The following GRK5 variants were observed in gnomAD, a reference collection of about 807,000 sequenced individuals.
The protein encoded by GRK5 is G protein-coupled receptor kinase 5, also known as g protein-coupled receptor kinase GRK5.
A neutral mutation model predicts 78.4 loss-of-function variants in GRK5; 40 were observed. That is an observed-to-expected ratio of 0.51 (90% confidence interval 0.40 to 0.66). GRK5 has a LOEUF of 0.66. GRK5 is among the 30% of genes least tolerant of loss of function. The pLI is 0.00. For synonymous variants in GRK5, 289 were observed against 296.8 expected (o/e 0.97, Z 0.27); for missense variants, 598 against 759.9 (o/e 0.79, Z 2.50).
At chr10:119,212,512 G>A (rs1401186939) in intron 1 of GRK5, among the ~76,000 whole-genome samples, 3 of 152,164 alleles carry the variant, frequency 2.0e-5, no homozygotes, top group Non-Finnish European at 4.4e-5. Flanking sequence ...TTTCAGGAGC[G>A]GGCTCAATGT....
chr10:119,303,930 T>C (rs1196097357), intron 1 of GRK5, among the ~76,000 whole-genome samples: 1 of 152,076 alleles, frequency 6.6e-6, no homozygotes, highest in Non-Finnish European at 1.5e-5. Flanking sequence ...CTGCATGGTG[T>C]CCCTACAGCC....
At chr10:119,240,176 ATC>A (rs1848999797) in intron 1 of GRK5, among the ~76,000 whole-genome samples, 1 of 130,588 alleles carries the variant, frequency 7.7e-6, no homozygotes, top group East Asian at 2.1e-4. Flanking sequence ...CCTCTCCAGC[ATC>A]TGTTTCCCGA....
At chr10:119,419,974 A>G (rs1852536431) in intron 4 of GRK5, among the ~76,000 whole-genome samples, 1 of 152,078 alleles carries the variant, frequency 6.6e-6, no homozygotes, top group African/African-American at 2.4e-5. Flanking sequence ...ATGGGTCCTG[A>G]GGGGATAAGG....
intron 1 of GRK5, among the ~76,000 whole-genome samples, chr10:119,230,681 T>TA (rs888759327): frequency 1.8e-4 from 27 of 151,350 alleles, no homozygotes; most frequent in African/African-American, 5.8e-4. Flanking sequence ...CTACAAAAAA[T>TA]AAAAAAATTA....
chr10:119,350,249 C>T (rs992449643), intron 2 of GRK5, among the ~76,000 whole-genome samples: 8 of 152,220 alleles, frequency 5.3e-5, no homozygotes, highest in Admixed American at 3.9e-4. Context: ...AAGCAGCTAC[C>T]GCCTACACCT....
At chr10:119,291,928 T>TTTTCCTCA (rs748253606) in intron 1 of GRK5, among the ~76,000 whole-genome samples, 1 of 129,952 alleles carries the variant, frequency 7.7e-6, no homozygotes, top group Non-Finnish European at 1.7e-5. Flanking sequence ...TTCTTCCTCC[T>TTTTCCTCA]TCTTTTCCTC....
intron 5 of GRK5, among the ~76,000 whole-genome samples, chr10:119,424,508 C>T (rs1448087062): frequency 6.6e-6 from 1 of 152,188 alleles, no homozygotes; most frequent in Non-Finnish European, 1.5e-5. Context: ...TAGTCCAAGA[C>T]CAGATCCAGA....
At position 119,344,802 on chromosome 10, in the gene GRK5, G is replaced by C. The variant is rs1242204068; in HGVS notation, c.148+18191G>C. ...ATGGGGGTCAGAATGTGCGTGTGGG[G>C]TGCAGAGGGAGCTTCCCACCCCTGG... On this transcript the variant is annotated intron_variant, in intron 2 of 15. Coordinates refer to ENST00000392870, the MANE Select transcript of GRK5 (RefSeq NM_005308.3). Among the ~76,000 whole-genome samples, 5 of 152,042 alleles carry C rather than the reference G, an allele frequency of 3.3e-5. 1 individual carries two copies. The highest frequency in any genetic ancestry group is 7.4e-5 in the Non-Finnish European group (5 of 67,994).
intron 4 of GRK5, 75 bp downstream of exon 4, chr10:119,396,847 C>A: frequency 8.9e-7 from 1 of 1,129,100 alleles, no homozygotes; most frequent in Non-Finnish European, 1.3e-6. Flanking sequence ...TAAGTCTGTG[C>A]CAGGCCACAT....
intron 3 of GRK5, among the ~76,000 whole-genome samples, 165 bp downstream of exon 3, chr10:119,381,092 G>A (rs1851703194): frequency 6.6e-6 from 1 of 152,214 alleles, no homozygotes; most frequent in Non-Finnish European, 1.5e-5. Flanking sequence ...ATTGTCTGAG[G>A]ATCTAAACAC....
Position 119,336,771 on chromosome 10 carries a change from C to T in GRK5, c.148+10160C>T, listed in dbSNP as rs1349777867. ...GGGCGCGTCATGTCTGTCGTTCTGC[C>T]ACCTAGCCGTGCTGTGATAAGGCAC... On this transcript the variant is annotated intron_variant, in intron 2 of 15. Coordinates refer to ENST00000392870, the MANE Select transcript of GRK5 (RefSeq NM_005308.3). This position sits in a 1 kb window ranked among gnomAD's most constrained non-coding sequence, Gnocchi z 4.5. Among the ~76,000 whole-genome samples the T allele has an allele frequency of 6.6e-6, 1 of 152,154 alleles. No individual in the cohort carries two copies. The highest frequency in any genetic ancestry group is 1.5e-5 in the Non-Finnish European group (1 of 68,028).
At chr10:119,346,630 G>T (rs1023789625) in intron 2 of GRK5, among the ~76,000 whole-genome samples, 1 of 152,154 alleles carries the variant, frequency 6.6e-6, no homozygotes, top group Admixed American at 6.5e-5. Flanking sequence ...TGCAAGCTGG[G>T]TGCCTTCTGC....
chr10:119,436,832 C>T lies in GRK5; in HGVS notation c.920C>T (p.Thr307Ile). Reference sequence around the variant, plus strand: ...TTAGAAGACCTCCACCGTGAGAACACCGTCTACCGGTGAGTGGAAGGCACC... The same window carrying T: ...TTAGAAGACCTCCACCGTGAGAACATCGTCTACCGGTGAGTGGAAGGCACC... ...CGLEDLHREN[T>I]VYRDLKPENI... The change falls in exon 9 of 16, where the codon ACC becomes ATC. Residue 307 changes from threonine to isoleucine, a missense_variant. By Grantham distance (89) the Thr-to-Ile change is moderately conservative (BLOSUM62 -1). Transcript: ENST00000392870. The T allele has an allele frequency of 1.2e-6, 2 of 1,603,338 alleles. No individual in the cohort carries two copies. The highest frequency in any genetic ancestry group is 1.7e-6 in the Non-Finnish European group (2 of 1,173,700).
At chr10:119,387,770 C>G (rs1431143334) in intron 3 of GRK5, among the ~76,000 whole-genome samples, 1 of 152,130 alleles carries the variant, frequency 6.6e-6, no homozygotes, top group Non-Finnish European at 1.5e-5. Context: ...GGTCTCTTCT[C>G]TTTGGGATTG....
At chr10:119,244,198 G>A (rs1348448391) in intron 1 of GRK5, among the ~76,000 whole-genome samples, 1 of 152,244 alleles carries the variant, frequency 6.6e-6, no homozygotes, top group Non-Finnish European at 1.5e-5. Flanking sequence ...TACAAGAACA[G>A]GTGTTGGGCC....
chr10:119,437,962 G>T (rs1016708587), intron 9 of GRK5, among the ~76,000 whole-genome samples: 18 of 152,214 alleles, frequency 1.2e-4, no homozygotes, highest in Non-Finnish European at 2.9e-5. Flanking sequence ...GCCGGATGCG[G>T]TGGCACGCGC....
chr10:119,214,934 G>T (rs1848546056), intron 1 of GRK5, among the ~76,000 whole-genome samples: 1 of 152,240 alleles, frequency 6.6e-6, no homozygotes, highest in Admixed American at 6.5e-5. Context: ...GTGTGCCATG[G>T]CGCCTTCCAG....
chr10:119,250,940 C>A (rs915767266), intron 1 of GRK5, among the ~76,000 whole-genome samples: 1 of 152,172 alleles, frequency 6.6e-6, no homozygotes, highest in Non-Finnish European at 1.5e-5. Context: ...GCTCTCCTAT[C>A]GAGGGCCTTT....
chr10:119,423,094 C>G (rs530229787), intron 4 of GRK5, 72 bp from the exon 5 acceptor site: 26 of 1,006,432 alleles, frequency 2.6e-5, no homozygotes, highest in Non-Finnish European at 3.8e-5. Flanking sequence ...CTTGGCCCAA[C>G]ACCTGTGGGC....
Sources: gnomAD v4.1 joint callset for allele counts (sites outside exome capture counted in the v4.1 genomes callset) on GRCh38, gnomAD v4.1.1 for gene constraint, Gnocchi (gnomAD v3.1) non-coding constraint, MANE v1.5 for transcripts, NCBI Gene and HGNC (gene_info 2026-07-23, HGNC 2026-07-21) for gene names.